ARHGAP1: variants seen among roughly 807,000 people sequenced by gnomAD.
The protein encoded by ARHGAP1 is Rho GTPase activating protein 1, also known as rho GTPase-activating protein 1.
ARHGAP1 carries 23 observed loss-of-function variants against 52.2 expected under a neutral mutation model. That is an observed-to-expected ratio of 0.44 (90% confidence interval 0.32 to 0.62). ARHGAP1 has a LOEUF of 0.62. Ranked by LOEUF, ARHGAP1 falls within the 20% of genes least tolerant of loss-of-function variation. The pLI is 0.05. For missense variants in ARHGAP1, 480 were observed against 560.9 expected, an observed-to-expected ratio of 0.86 and a Z score of 1.46; for synonymous variants, 210 against 228.4, an observed-to-expected ratio of 0.92 and a Z score of 0.73.
chr11:46,683,576 A>G (rs2064544767), intron 4 of ARHGAP1, among the ~76,000 whole-genome samples: 1 of 151,950 alleles, frequency 6.6e-6, no homozygotes, highest in Non-Finnish European at 1.5e-5. Flanking sequence ...TGTTGAGCAC[A>G]CTGAGAGTTA....
chr11:46,683,643 CT>C (rs199922376), intron 4 of ARHGAP1, among the ~76,000 whole-genome samples: 33,998 of 144,100 alleles, frequency 0.24, 4,058 homozygotes, highest in Middle Eastern at 0.31. Context: ...AAGCCCTCTC[CT>C]TTTTTTTTTT....
intron 3 of ARHGAP1, among the ~76,000 whole-genome samples, chr11:46,693,998 G>T (rs1451022936): frequency 2.0e-5 from 3 of 152,166 alleles, no homozygotes; most frequent in African/African-American, 7.2e-5. Context: ...CCGGCAGGGA[G>T]AGCTGAGGCT....
rs117977744 is a variant in ARHGAP1 at position 46,700,276 on chromosome 11, C to T, written c.-50+275G>A. Among the ~76,000 whole-genome samples the T allele has an allele frequency of 2.5e-4, 38 of 152,366 alleles. No homozygotes were observed. In the East Asian group the frequency reaches 7.1e-3, roughly 29 times the overall value. ...TCAGATCTGGGAGATTTCCCCCTCC[C>T]GCCGGCTTGCTGGATGACAGCGATC... On this transcript the variant is annotated intron_variant, in intron 1 of 12. Coordinates refer to ENST00000311956, the MANE Select transcript of ARHGAP1 (RefSeq NM_004308.5).
chr11:46,686,133 G>C (rs1202801914), intron 4 of ARHGAP1, among the ~76,000 whole-genome samples: 2 of 151,838 alleles, frequency 1.3e-5, no homozygotes, highest in Admixed American at 6.6e-5. Context: ...TAGGATTATA[G>C]GCATGCACCA....
intron 4 of ARHGAP1, among the ~76,000 whole-genome samples, chr11:46,684,466 T>C (rs1176705376): frequency 6.6e-6 from 1 of 152,116 alleles, no homozygotes; most frequent in Non-Finnish European, 1.5e-5. Context: ...CTGTTCTTCA[T>C]GGCCCATTTT....
At chr11:46,682,386 A>G (rs868196433) in intron 4 of ARHGAP1, among the ~76,000 whole-genome samples, 6 of 152,228 alleles carry the variant, frequency 3.9e-5, no homozygotes, top group African/African-American at 1.4e-4. Flanking sequence ...GAATGAGAAT[A>G]GTAATAACAG....
intron 4 of ARHGAP1, among the ~76,000 whole-genome samples, chr11:46,683,143 A>G (rs1192674520): frequency 6.8e-6 from 1 of 147,500 alleles, no homozygotes; most frequent in African/African-American, 2.5e-5. Flanking sequence ...GGCTTAAGCT[A>G]TCCTCCTGCC....
At chr11:46,688,946 T>A (rs1260648084) in intron 3 of ARHGAP1, among the ~76,000 whole-genome samples, 4 of 151,824 alleles carry the variant, frequency 2.6e-5, no homozygotes, top group Non-Finnish European at 5.9e-5. Context: ...TAGCTGGGTG[T>A]GGTGGTGCAC....
chr11:46,699,279 A>G (rs1038695991), intron 1 of ARHGAP1, among the ~76,000 whole-genome samples: 1 of 152,200 alleles, frequency 6.6e-6, no homozygotes. Context: ...GAACCAATTA[A>G]TTCATCTCCT....
Position 46,679,466 on chromosome 11 carries a change from T to C in ARHGAP1, c.1030A>G (p.Ile344Val). 1 of 1,613,792 alleles carries C rather than the reference T, an allele frequency of 6.2e-7. No individual in the cohort carries two copies. The highest frequency in any genetic ancestry group is 1.1e-5 in the South Asian group (1 of 91,066). Residue 344 changes from isoleucine to valine, a missense_variant and splice_region_variant, in exon 12 of 13, where the codon ATT becomes GTT. Transcript: ENST00000311956. This position sits in a 1 kb window ranked among gnomAD's most constrained non-coding sequence, Gnocchi z 4.4. ...LYPHVVGFLN[I>V]DESQRVPATL... The stretch of plus-strand genomic sequence containing the variant: ...GCTGGCACCCTCTGGCTTTCATCAA[T>C]GTCTATGAGGAAAGGAGGCCCGGGT...
intron 4 of ARHGAP1, among the ~76,000 whole-genome samples, chr11:46,685,054 C>T (rs1018890993): frequency 6.8e-6 from 1 of 146,392 alleles, no homozygotes; most frequent in Admixed American, 6.9e-5. Context: ...TGCCACTGCA[C>T]TCCAGCCTGG....
Position 46,695,829 on chromosome 11 carries a change from G to C in ARHGAP1, c.134-74C>G, listed in dbSNP as rs1592393069. The C allele has an allele frequency of 3.6e-5, 56 of 1,572,956 alleles. 1 individual carries two copies. The South Asian group carries it at 5.4e-4, about 15-fold the overall frequency. On this transcript the variant is annotated intron_variant, in intron 2 of 12. Coordinates refer to ENST00000311956, the MANE Select transcript of ARHGAP1 (RefSeq NM_004308.5). ...GCTCTGCCCCACAGGCATGCTGTCT[G>C]GCCCTTCCCCCAGTAAGGCCCATGC...
chr11:46,685,088 A>C (rs1256821680), intron 4 of ARHGAP1, among the ~76,000 whole-genome samples: 2 of 65,308 alleles, frequency 3.1e-5, no homozygotes, highest in Non-Finnish European at 2.8e-5. Context: ...GCTCGGTCTC[A>C]AAAAAAAAAA....
intron 5 of ARHGAP1, 44 bp downstream of exon 5, chr11:46,682,007 G>A (rs753946664): frequency 3.7e-5 from 59 of 1,608,258 alleles, no homozygotes; most frequent in Middle Eastern, 1.9e-4. Flanking sequence ...TGGCAGAGCC[G>A]CTGCCTCTGG....
chr11:46,690,211 C>A (rs1025439477), intron 3 of ARHGAP1, among the ~76,000 whole-genome samples: 3 of 151,792 alleles, frequency 2.0e-5, no homozygotes, highest in Non-Finnish European at 4.4e-5. Context: ...CCCGTCTTTA[C>A]TAAAAACACA....
At chr11:46,687,926 G>A in intron 4 of ARHGAP1, 2 of 490,932 alleles carry the variant, frequency 4.1e-6, no homozygotes, top group Non-Finnish European at 7.3e-6. Flanking sequence ...TATCCCTTTT[G>A]AAAGGTGAGG....
At position 46,680,367 on chromosome 11, in the gene ARHGAP1, C is replaced by T; in HGVS notation, c.821-85G>A. On this transcript the variant is annotated intron_variant, in intron 9 of 12. Transcript: ENST00000311956. This position sits in a 1 kb window ranked among gnomAD's most constrained non-coding sequence, Gnocchi z 5.9. ...CCCTTCTCTGTCTTGGGGTTCTAGG[C>T]AGGGCTGGGTGGGGACGTTGAGGCT... 1 of 1,583,900 alleles carries T rather than the reference C, an allele frequency of 6.3e-7. No homozygotes were observed. Among genetic ancestry groups the T allele is most frequent in the South Asian group, 1.1e-5 (1 of 90,324 alleles).
intron 1 of ARHGAP1, among the ~76,000 whole-genome samples, chr11:46,698,421 G>A (rs547268265): frequency 1.3e-5 from 2 of 151,736 alleles, no homozygotes; most frequent in East Asian, 3.9e-4. Flanking sequence ...TGCCAACATG[G>A]TGAAACCCCA....
intron 1 of ARHGAP1, among the ~76,000 whole-genome samples, chr11:46,699,058 A>G (rs1248382308): frequency 6.6e-6 from 1 of 152,176 alleles, no homozygotes; most frequent in African/African-American, 2.4e-5. Context: ...CTTTACAAAA[A>G]TCTTAAGGAT....
Sources: allele counts gnomAD v4.1 joint callset (sites outside exome capture counted in the v4.1 genomes callset), GRCh38; gene constraint gnomAD v4.1.1; non-coding constraint Gnocchi (gnomAD v3.1); transcripts MANE v1.5; gene names NCBI Gene and HGNC (gene_info 2026-07-23, HGNC 2026-07-21).